Variants in TNFSF8 observed in about 807,000 individuals in gnomAD.
TNFSF8 encodes the protein tumor necrosis factor ligand superfamily member 8.
A neutral mutation model predicts 22.0 loss-of-function variants in TNFSF8; 4 were observed. That is an observed-to-expected ratio of 0.18 (90% CI 0.09 to 0.42). The LOEUF (loss-of-function observed/expected upper bound fraction) is 0.42, where lower values mean the gene tolerates loss of function less well. Among genes scored for constraint, TNFSF8 ranks in the 10% least tolerant of loss-of-function variants. TNFSF8 has a pLI of 1.00. For missense variants in TNFSF8, 233 were observed against 281.8 expected, an observed-to-expected ratio of 0.83 and a Z score of 1.24; for synonymous variants, 106 against 112.5, an observed-to-expected ratio of 0.94 and a Z score of 0.37.
At chr9:114,901,002 C>T, downstream of TNFSF8, 14 of 983,512 alleles carry the variant, frequency 1.4e-5, no homozygotes, top group Non-Finnish European at 1.7e-5. Context: ...GCTCACTTAC[C>T]ATCTTCCTCT....
At chr9:114,923,478 TTTTC>T (rs71375260) in intron 1 of TNFSF8, among the ~76,000 whole-genome samples, 1,508 of 105,478 alleles carry the variant, frequency 0.014, 24 homozygotes, top group South Asian at 0.051. Flanking sequence ...TTTTCTTTCT[TTTTC>T]TTTCTTTCTT....
At chr9:114,899,511 T>C (rs80216114), downstream of TNFSF8, among the ~76,000 whole-genome samples, 18 of 152,244 alleles carry the variant, frequency 1.2e-4, 1 homozygote, top group Admixed American at 9.2e-4. Flanking sequence ...AATACAGACA[T>C]TTGATCTTGG....
downstream of TNFSF8, among the ~76,000 whole-genome samples, chr9:114,898,838 G>A (rs1827683856): frequency 2.0e-5 from 3 of 152,126 alleles, no homozygotes; most frequent in South Asian, 4.1e-4. Flanking sequence ...AACCTATAAT[G>A]CGACTCCTAG....
rs1827746215 is a variant in TNFSF8, at chr9:114,903,713, A to G, written c.*218T>C. On this transcript the variant is annotated 3_prime_UTR_variant, in exon 4 of 4. Transcript: ENST00000223795. ...TGTGTGGGGCTCTGCCCACCACACT[A>G]CATTGCTTCCCTGCCTGCTATCTGA... The G allele has an allele frequency of 2.3e-6, 3 of 1,307,102 alleles. No individual in the cohort carries two copies. Among genetic ancestry groups the G allele is most frequent in the Non-Finnish European group, 2.9e-6 (3 of 1,030,278 alleles). The allele number at this position is 1,307,102 out of a possible 1,614,324, so 81.0% of individuals were successfully genotyped here. A position where few individuals can be genotyped will look rare whatever the true frequency, so the allele number is the denominator to read the frequency against.
chr9:114,926,085 T>C (rs1828054553), intron 1 of TNFSF8, among the ~76,000 whole-genome samples: 1 of 152,210 alleles, frequency 6.6e-6, no homozygotes, highest in Non-Finnish European at 1.5e-5. Context: ...GCATGTACAA[T>C]TGTGCTTGCT....
intron 1 of TNFSF8, among the ~76,000 whole-genome samples, chr9:114,928,875 C>T (rs1016106182): frequency 6.6e-6 from 1 of 152,142 alleles, no homozygotes; most frequent in African/African-American, 2.4e-5. Flanking sequence ...GATATCAAAG[C>T]CTTTTAAAGC....
At chr9:114,928,921 C>T (rs1006025) in intron 1 of TNFSF8, among the ~76,000 whole-genome samples, 54,825 of 151,982 alleles carry the variant, frequency 0.36, 10,347 homozygotes, top group Admixed American at 0.45. Context: ...CTATAGAGTA[C>T]TTGGCCTAAG....
At chr9:114,914,251 G>GAACAGGCCTTGCAAGAAC (rs1236363545) in intron 2 of TNFSF8, among the ~76,000 whole-genome samples, 2 of 152,210 alleles carry the variant, frequency 1.3e-5, no homozygotes, top group African/African-American at 4.8e-5. Context: ...TGCAAGAACA[G>GAACAGGCCTTGCAAGAAC]AGGGACCTAA....
intron 1 of TNFSF8, among the ~76,000 whole-genome samples, chr9:114,923,190 C>T (rs748681498): frequency 3.9e-5 from 6 of 152,124 alleles, no homozygotes; most frequent in Non-Finnish European, 8.8e-5. Flanking sequence ...TCTCCTCACA[C>T]CTGGGCTTGC....
At chr9:114,904,456 C>T in intron 3 of TNFSF8, 131 bp from the exon 4 acceptor site, 3 of 1,310,154 alleles carry the variant, frequency 2.3e-6, no homozygotes, top group Non-Finnish European at 3.1e-6. Flanking sequence ...ATCTGAATAT[C>T]TTCCATGTTA....
intron 1 of TNFSF8, among the ~76,000 whole-genome samples, chr9:114,919,089 C>T (rs1304780062): frequency 2.0e-5 from 3 of 150,748 alleles, no homozygotes; most frequent in Admixed American, 2.0e-4. Context: ...AGGTACATCT[C>T]TATGTCTCCT....
intron 2 of TNFSF8, among the ~76,000 whole-genome samples, chr9:114,917,590 C>G (rs1321433079): frequency 6.6e-6 from 1 of 152,130 alleles, no homozygotes; most frequent in Non-Finnish European, 1.5e-5. Flanking sequence ...TTCACAAGTC[C>G]TTGACTTCAT....
chr9:114,921,318 A>G (rs1330986367), intron 1 of TNFSF8, among the ~76,000 whole-genome samples: 1 of 152,196 alleles, frequency 6.6e-6, no homozygotes, highest in Non-Finnish European at 1.5e-5. Flanking sequence ...AGATTAGACA[A>G]TCAAAGCCAG....
chr9:114,899,584 G>C (rs904716344), downstream of TNFSF8, among the ~76,000 whole-genome samples: 58 of 152,178 alleles, frequency 3.8e-4, 1 homozygote, highest in African/African-American at 1.4e-3. Flanking sequence ...TACTCTCCAG[G>C]AAGAGAGCTA....
At chr9:114,926,950 A>T (rs889112943) in intron 1 of TNFSF8, among the ~76,000 whole-genome samples, 5 of 147,282 alleles carry the variant, frequency 3.4e-5, no homozygotes, top group Admixed American at 6.8e-5. Flanking sequence ...ATTATAAAAT[A>T]TTAAATAACA....
chr9:114,921,101 T>C (rs1409504295), intron 1 of TNFSF8, among the ~76,000 whole-genome samples: 1 of 152,192 alleles, frequency 6.6e-6, no homozygotes, highest in East Asian at 1.9e-4. Flanking sequence ...GGAAAGCCTC[T>C]TTTCTCTCTG....
At position 114,901,792 on chromosome 9, in the gene TNFSF8, A is replaced by T; in HGVS notation, c.*2139T>A. 1.0e-6 allele frequency: 1 copy of T among 981,404 alleles called. No individual in the cohort carries two copies. The highest frequency in any genetic ancestry group is 1.2e-6 in the Non-Finnish European group (1 of 826,284). 60.8% of individuals were successfully genotyped at this position (981,404 alleles called of 1,614,324 possible). Reference sequence around the variant, plus strand: ...TTAAAGAGAAATGTAGACTTTACTAAATATTTCATAGAGGAGACCTAGGAG... The same window carrying T: ...TTAAAGAGAAATGTAGACTTTACTATATATTTCATAGAGGAGACCTAGGAG... On this transcript the variant is annotated 3_prime_UTR_variant, in exon 4 of 4. Coordinates refer to ENST00000223795, the MANE Select transcript of TNFSF8 (RefSeq NM_001244.4).
Position 114,903,685 on chromosome 9 carries a change from TTC to T in TNFSF8, c.*244_*245del. 6 of 1,198,078 alleles carry T rather than the reference TTC, an allele frequency of 5.0e-6. No homozygotes were observed. The highest frequency in any genetic ancestry group is 5.2e-6 in the Non-Finnish European group (5 of 964,696). 74.2% of individuals were successfully genotyped at this position (1,198,078 alleles called of 1,614,324 possible). A position where few individuals can be genotyped will look rare whatever the true frequency, so the allele number is the denominator to read the frequency against. On this transcript the variant is annotated 3_prime_UTR_variant, in exon 4 of 4. Coordinates refer to ENST00000223795, the MANE Select transcript of TNFSF8 (RefSeq NM_001244.4). ...TGGGACATCCATTCATCCCTTCTGATTCTGTGTGGGGCTCTGCCCACCACACT... is the reference window on the plus strand; with the variant it reads ...TGGGACATCCATTCATCCCTTCTGATTGTGTGGGGCTCTGCCCACCACACT...
At position 114,903,119 on chromosome 9, in the gene TNFSF8, CTCTG is replaced by C. The variant is rs1186502417; in HGVS notation, c.*808_*811del. ...CCTACATTGTTAACTGTCTTGCTGT[CTCTG>C]TCTGACTTCTTATTCCTGCCTCATG... On this transcript the variant is annotated 3_prime_UTR_variant, in exon 4 of 4. Transcript: ENST00000223795. 3 of 152,304 alleles carry C rather than the reference CTCTG, an allele frequency of 2.0e-5. No individual in the cohort carries two copies. Among genetic ancestry groups the C allele is most frequent in the African/African-American group, 7.2e-5 (3 of 41,470 alleles). 9.4% of individuals were successfully genotyped at this position (152,304 alleles called of 1,614,324 possible).
Sources: gnomAD v4.1 joint callset for allele counts (sites outside exome capture counted in the v4.1 genomes callset) on GRCh38, gnomAD v4.1.1 for gene constraint, MANE v1.5 for transcripts, NCBI Gene and HGNC (gene_info 2026-07-23, HGNC 2026-07-21) for gene names.